RNF150: variants seen among roughly 807,000 people sequenced by gnomAD.
The protein encoded by RNF150 is ring finger protein 150.
In RNF150, 24 loss-of-function variants were observed where a neutral mutation model predicts 39.3. The observed-to-expected ratio is 0.61, with a 90% confidence interval of 0.44 to 0.86. RNF150 has a LOEUF of 0.86. RNF150 is among the 40% of genes least tolerant of loss of function. The pLI is 0.00. For missense variants in RNF150, 502 were observed against 587.8 expected, an observed-to-expected ratio of 0.85 and a Z score of 1.51; for synonymous variants, 255 against 227.3, an observed-to-expected ratio of 1.12 and a Z score of -1.10.
At chr4:141,143,150 G>A (rs552096133) in intron 1 of RNF150, among the ~76,000 whole-genome samples, 3 of 152,242 alleles carry the variant, frequency 2.0e-5, no homozygotes, top group South Asian at 4.1e-4. Flanking sequence ...GATTGCAGGC[G>A]TGAGCCACCG....
intron 1 of RNF150, among the ~76,000 whole-genome samples, chr4:141,146,434 A>G (rs140209326): frequency 1.3e-5 from 2 of 152,340 alleles, no homozygotes; most frequent in East Asian, 3.9e-4. Context: ...TCTTTGGGAA[A>G]AGACAATCAG....
intron 1 of RNF150, among the ~76,000 whole-genome samples, chr4:140,974,130 A>G (rs1259585198): frequency 1.3e-5 from 2 of 152,152 alleles, no homozygotes; most frequent in Non-Finnish European, 2.9e-5. Context: ...TATAACCACT[A>G]ACACAATTAA....
chr4:141,130,853 C>G (rs1288810683), intron 1 of RNF150, among the ~76,000 whole-genome samples: 1 of 152,206 alleles, frequency 6.6e-6, no homozygotes, highest in African/African-American at 2.4e-5. Context: ...GCTCTTAAGA[C>G]TCAAGGTGAG....
intron 1 of RNF150, among the ~76,000 whole-genome samples, chr4:140,997,520 G>C (rs1734419030): frequency 1.3e-5 from 2 of 152,004 alleles, no homozygotes; most frequent in African/African-American, 4.8e-5. Context: ...CCCAAAGAAG[G>C]AATCAACTCT....
At chr4:141,104,854 A>G (rs547543627) in intron 1 of RNF150, among the ~76,000 whole-genome samples, 7 of 152,316 alleles carry the variant, frequency 4.6e-5, no homozygotes, top group African/African-American at 1.7e-4. Context: ...AGACCTGAAT[A>G]GAGATTTTGG....
At position 141,132,575 on chromosome 4, in the gene RNF150, T is replaced by C. The variant is rs376333569; in HGVS notation, c.234A>G (p.Gly78=). 2.8e-4 allele frequency: 441 copies of C among 1,580,826 alleles called. No individual in the cohort carries two copies. The highest frequency in any genetic ancestry group is 3.4e-4 in the Admixed American group (19 of 55,474). Reference sequence around the variant, plus strand: ...GGGCGTCCTGCTTGGGCGAGTGCTCTCCGTAGCGCCCGCACTCCGTCTTCT... The same window carrying C: ...GGGCGTCCTGCTTGGGCGAGTGCTCCCCGTAGCGCCCGCACTCCGTCTTCT... ...HTEKTECGRY[G]EHSPKQDARG... The change falls in exon 1 of 7, where the codon GGA becomes GGG. Residue 78 remains glycine, a synonymous_variant. Coordinates refer to ENST00000515673, the MANE Select transcript of RNF150 (RefSeq NM_020724.2). The surrounding 1 kb of genome is among the most constrained non-coding windows in gnomAD (Gnocchi z 4.9).
chr4:141,030,789 G>T (rs192698803), intron 1 of RNF150, among the ~76,000 whole-genome samples: 64 of 151,774 alleles, frequency 4.2e-4, no homozygotes, highest in Non-Finnish European at 6.9e-4. Flanking sequence ...CAGAATGGGG[G>T]TTGCCAGGGG....
rs138189999 is a variant in RNF150, at chr4:140,918,300, C to G, written c.988-6946G>C. The stretch of plus-strand genomic sequence containing the variant: ...CGAAATTGATAGACCACTAGCAAGA[C>G]GAATAAAGAAAAAAAGAGAGAAGAA... On this transcript the variant is annotated intron_variant, in intron 5 of 6. Transcript: ENST00000515673. Among the ~76,000 whole-genome samples the G allele has an allele frequency of 7.3e-5, 11 of 151,450 alleles. No individual in the cohort carries two copies. In the East Asian group the frequency reaches 1.5e-3, roughly 21 times the overall value.
chr4:141,015,940 G>C (rs556373497), intron 1 of RNF150, among the ~76,000 whole-genome samples: 1 of 152,032 alleles, frequency 6.6e-6, no homozygotes, highest in South Asian at 2.1e-4. Flanking sequence ...ATTTTGGGGG[G>C]TGGGGTGTGT....
At chr4:141,063,524 T>C (rs571753379) in intron 1 of RNF150, among the ~76,000 whole-genome samples, 59 of 152,324 alleles carry the variant, frequency 3.9e-4, no homozygotes, top group Middle Eastern at 6.8e-3. Flanking sequence ...ACAAATTATA[T>C]GGACCTTTAA....
intron 1 of RNF150, among the ~76,000 whole-genome samples, chr4:141,085,452 C>T (rs1238236370): frequency 6.6e-6 from 1 of 152,324 alleles, no homozygotes; most frequent in South Asian, 2.1e-4. Flanking sequence ...AGAGAGGCCA[C>T]ATAGAGGTGC....
chr4:141,085,179 G>A (rs1287147582), intron 1 of RNF150, among the ~76,000 whole-genome samples: 7 of 152,288 alleles, frequency 4.6e-5, no homozygotes, highest in South Asian at 4.1e-4. Context: ...CTTACATGGC[G>A]GCAGGCAAGA....
At chr4:141,152,831 C>T (rs1016186476) in intron 1 of RNF150, among the ~76,000 whole-genome samples, 1 of 152,052 alleles carries the variant, frequency 6.6e-6, no homozygotes, top group Non-Finnish European at 1.5e-5. Flanking sequence ...CAATTATAGG[C>T]AGTGTTTTTA....
chr4:141,133,075 G>A lies in RNF150; in HGVS notation c.-267C>T, dbSNP rs1560754409. On this transcript the variant is annotated 5_prime_UTR_variant, in exon 1 of 7. Coordinates refer to ENST00000515673, the MANE Select transcript of RNF150 (RefSeq NM_020724.2). The stretch of plus-strand genomic sequence containing the variant: ...GGGGGCGCGGGAACAGAGGGCCCGC[G>A]GGGCTTGCGGAGGAGTCCTGCTGCC... The A allele has an allele frequency of 1.0e-5, 4 of 392,198 alleles. No individual in the cohort carries two copies. Among genetic ancestry groups the A allele is most frequent in the Non-Finnish European group, 1.4e-5 (3 of 217,166 alleles). The allele number at this position is 392,198 out of a possible 1,614,324, so 24.3% of individuals were successfully genotyped here. A position where few individuals can be genotyped will look rare whatever the true frequency, so the allele number is the denominator to read the frequency against.
At chr4:141,117,015 G>A (rs923304759) in intron 1 of RNF150, among the ~76,000 whole-genome samples, 2 of 151,970 alleles carry the variant, frequency 1.3e-5, no homozygotes, top group Non-Finnish European at 2.9e-5. Context: ...TAGGGGAGGG[G>A]AGGGATAGCA....
chr4:141,149,170 A>G (rs1382606517), intron 1 of RNF150, among the ~76,000 whole-genome samples: 1 of 152,200 alleles, frequency 6.6e-6, no homozygotes, highest in Non-Finnish European at 1.5e-5. Context: ...ATATAAGCAT[A>G]TTAATTATCA....
chr4:140,900,488 A>G (rs996248300), intron 6 of RNF150, among the ~76,000 whole-genome samples: 1 of 152,206 alleles, frequency 6.6e-6, no homozygotes, highest in Non-Finnish European at 1.5e-5. Flanking sequence ...CAAATGATCA[A>G]TTAGTGAAAA....
chr4:141,122,876 G>A (rs375496224), intron 1 of RNF150, among the ~76,000 whole-genome samples: 7 of 152,238 alleles, frequency 4.6e-5, no homozygotes, highest in East Asian at 3.9e-4. Context: ...TAAGAAAAAC[G>A]TTTTATTAAT....
At chr4:140,948,953 G>A (rs774012276) in intron 3 of RNF150, among the ~76,000 whole-genome samples, 3 of 152,240 alleles carry the variant, frequency 2.0e-5, no homozygotes, top group Non-Finnish European at 4.4e-5. Context: ...CCTGAATATT[G>A]TTTCCTTTGC....
Sources: allele counts gnomAD v4.1 joint callset (sites outside exome capture counted in the v4.1 genomes callset), GRCh38; gene constraint gnomAD v4.1.1; non-coding constraint Gnocchi (gnomAD v3.1); transcripts MANE v1.5; gene names NCBI Gene and HGNC (gene_info 2026-07-23, HGNC 2026-07-21).